LPAR1: variants seen among roughly 807,000 people sequenced by gnomAD.
LPAR1 encodes lysophosphatidic acid receptor 1, also known as LPA receptor 1.
LPAR1 carries 5 observed loss-of-function variants against 23.8 expected under a neutral mutation model. The observed-to-expected ratio is 0.21, with a 90% CI of 0.11 to 0.44. The LOEUF is 0.44. LPAR1 is among the 20% of genes least tolerant of loss of function. LPAR1 has a pLI of 0.99. For synonymous variants in LPAR1, 160 were observed against 164.7 expected, an observed-to-expected ratio of 0.97 and a Z score of 0.22; for missense variants, 311 against 482.8, an observed-to-expected ratio of 0.64 and a Z score of 3.33.
intron 5 of LPAR1, among the ~76,000 whole-genome samples, chr9:110,932,400 T>C (rs916482089): frequency 1.3e-5 from 2 of 152,332 alleles, no homozygotes; most frequent in East Asian, 3.9e-4. Flanking sequence ...GACTAAAGGA[T>C]TCACAGGTGG....
At chr9:110,978,741 AG>A (rs2096609742) in intron 2 of LPAR1, among the ~76,000 whole-genome samples, 1 of 152,226 alleles carries the variant, frequency 6.6e-6, no homozygotes, top group Non-Finnish European at 1.5e-5. Flanking sequence ...TGAGACGGAA[AG>A]ATTTTTCTCT....
At chr9:110,970,072 G>A (rs2096366535) in intron 4 of LPAR1, among the ~76,000 whole-genome samples, 1 of 152,010 alleles carries the variant, frequency 6.6e-6, no homozygotes. Context: ...TTTCTCCTTT[G>A]GGCAGTGTTA....
chr9:110,963,048 T>A (rs2096062705), intron 4 of LPAR1, among the ~76,000 whole-genome samples: 1 of 152,166 alleles, frequency 6.6e-6, no homozygotes, highest in Non-Finnish European at 1.5e-5. Context: ...AACAGTTCCC[T>A]AATGGGCAAG....
intron 2 of LPAR1, among the ~76,000 whole-genome samples, chr9:110,976,694 C>A (rs760985894): frequency 3.3e-5 from 5 of 152,130 alleles, no homozygotes; most frequent in Non-Finnish European, 4.4e-5. Context: ...ATTACTGCTG[C>A]CTCTTCTCTT....
rs543588060 is a variant in LPAR1 at position 110,951,328 on chromosome 9, G to A, written c.46-9160C>T. On this transcript the variant is annotated intron_variant, in intron 4 of 5. Coordinates refer to ENST00000683809, the MANE Select transcript of LPAR1 (RefSeq NM_001351411.2). ...CTAATCAAAATTTTAAGACTTCTGT[G>A]CTGCAAAATCTAATGAGTGAAAAGA... 2.5e-4 allele frequency among the ~76,000 whole-genome samples: 38 copies of A among 152,136 alleles called. No individual in the cohort carries two copies. In the South Asian group the frequency reaches 7.9e-3, roughly 32 times the overall value.
Position 111,025,578 on chromosome 9 carries a change from T to C in LPAR1, c.-182+10544A>G, listed in dbSNP as rs145765841. On this transcript the variant is annotated intron_variant, in intron 2 of 5. Transcript: ENST00000683809. Reference sequence around the variant, plus strand: ...AGATCCCACTTGTCAATTTTGGCTTTGGTTGCAATCACTTTTGGTGTTTTA... The same window carrying C: ...AGATCCCACTTGTCAATTTTGGCTTCGGTTGCAATCACTTTTGGTGTTTTA... Among the ~76,000 whole-genome samples, 598 of 152,356 alleles carry C rather than the reference T, an allele frequency of 3.9e-3. 6 individuals carry two copies. Among genetic ancestry groups the C allele is most frequent in the African/African-American group, 0.013 (559 of 41,586 alleles).
At chr9:110,908,234 TTTAC>T (rs1480292463) in intron 5 of LPAR1, among the ~76,000 whole-genome samples, 1 of 150,852 alleles carries the variant, frequency 6.6e-6, no homozygotes, top group African/African-American at 2.4e-5. Context: ...TTTAAAATAT[TTTAC>T]TTAAATTATT....
intron 2 of LPAR1, among the ~76,000 whole-genome samples, chr9:110,996,285 G>GGT (rs1455335947): frequency 6.6e-6 from 1 of 152,124 alleles, no homozygotes; most frequent in East Asian, 1.9e-4. Context: ...GGCTGGGTGT[G>GGT]GTGGCTCAAG....
At chr9:111,038,737 G>A (rs2097948086), upstream of LPAR1, 1 of 437,456 alleles carries the variant, frequency 2.3e-6, no homozygotes, top group Non-Finnish European at 4.6e-6. The surrounding 1 kb of genome is among the most constrained non-coding windows in gnomAD (Gnocchi z 4.4). Context: ...GCAGGGCCGG[G>A]GCTGGGGGGT....
chr9:110,898,080 T>G (rs2087107793), intron 5 of LPAR1, among the ~76,000 whole-genome samples: 1 of 152,226 alleles, frequency 6.6e-6, no homozygotes, highest in African/African-American at 2.4e-5. Context: ...AGAAAACTAG[T>G]GACTCATTTC....
chr9:111,038,904 C>T (rs1285091873), upstream of LPAR1, among the ~76,000 whole-genome samples: 2 of 152,188 alleles, frequency 1.3e-5, no homozygotes, highest in South Asian at 2.1e-4. This position sits in a 1 kb window ranked among gnomAD's most constrained non-coding sequence, Gnocchi z 4.4. Flanking sequence ...CTCCGGTGGA[C>T]GCCCCGGCAC....
intron 2 of LPAR1, among the ~76,000 whole-genome samples, chr9:111,000,385 A>G (rs889475797): frequency 6.6e-6 from 1 of 152,132 alleles, no homozygotes; most frequent in Non-Finnish European, 1.5e-5. Context: ...AACAGGCTCC[A>G]CTTTGATCGG....
chr9:111,016,867 A>T (rs908381130), intron 2 of LPAR1, among the ~76,000 whole-genome samples: 6 of 152,356 alleles, frequency 3.9e-5, no homozygotes, highest in Admixed American at 2.6e-4. Flanking sequence ...GAGATAAGCA[A>T]TTGGCATTAT....
intron 2 of LPAR1, among the ~76,000 whole-genome samples, chr9:110,998,200 T>C (rs938992716): frequency 6.6e-6 from 1 of 152,194 alleles, no homozygotes; most frequent in Non-Finnish European, 1.5e-5. Context: ...TTAATAGAAC[T>C]GGAAATAATA....
intron 5 of LPAR1, among the ~76,000 whole-genome samples, chr9:110,898,514 A>G (rs980097814): frequency 2.0e-5 from 3 of 152,138 alleles, no homozygotes; most frequent in Admixed American, 1.3e-4. Context: ...TAAGAACGCT[A>G]TATTTAGAGT....
chr9:110,920,609 G>T (rs1212961308), intron 5 of LPAR1, among the ~76,000 whole-genome samples: 1 of 151,726 alleles, frequency 6.6e-6, no homozygotes, highest in Non-Finnish European at 1.5e-5. Flanking sequence ...AATACTAAAG[G>T]CAACAAAATA....
In LPAR1 at chr9:110,972,149, C is replaced by A. The variant is rs368578554; in HGVS notation, c.-32G>T. On this transcript the variant is annotated 5_prime_UTR_variant, in exon 4 of 6. Transcript: ENST00000683809. ...TCTGTGGTTGTAGGTGGTGAACACG[C>A]CCCAGAACTACGGGAGACAAATTTT... 2 of 1,606,294 alleles carry A rather than the reference C, an allele frequency of 1.2e-6. No individual in the cohort carries two copies. The highest frequency in any genetic ancestry group is 1.7e-6 in the Non-Finnish European group (2 of 1,173,038).
At chr9:111,016,381 A>C (rs893216655) in intron 2 of LPAR1, among the ~76,000 whole-genome samples, 39 of 152,198 alleles carry the variant, frequency 2.6e-4, no homozygotes, top group Non-Finnish European at 5.9e-5. Context: ...CATAATGCCC[A>C]CCTGTCTATG....
At chr9:111,031,398 A>AG in intron 2 of LPAR1, among the ~76,000 whole-genome samples, 1 of 148,938 alleles carries the variant, frequency 6.7e-6, no homozygotes, top group Non-Finnish European at 1.5e-5. Context: ...TTCTTTAAAA[A>AG]AAAAAAAAGA....
Sources: gnomAD v4.1 joint callset for allele counts (sites outside exome capture counted in the v4.1 genomes callset) on GRCh38, gnomAD v4.1.1 for gene constraint, Gnocchi (gnomAD v3.1) non-coding constraint, MANE v1.5 for transcripts, NCBI Gene and HGNC (gene_info 2026-07-23, HGNC 2026-07-21) for gene names.